FAM110B: variants seen among roughly 807,000 people sequenced by gnomAD.
FAM110B encodes protein FAM110B.
Under a neutral mutation model 20.4 loss-of-function variants are expected in FAM110B, and 6 were observed. The observed-to-expected ratio is 0.29, with a 90% CI of 0.16 to 0.58. The LOEUF (loss-of-function observed/expected upper bound fraction) is 0.58. Among genes scored for constraint, FAM110B ranks in the 20% least tolerant of loss-of-function variants. The pLI is 0.90. For synonymous variants in FAM110B, 226 were observed against 214.1 expected, an observed-to-expected ratio of 1.06 and a Z score of -0.49; for missense variants, 434 against 498.2, an observed-to-expected ratio of 0.87 and a Z score of 1.23.
chr8:58,096,197 A>G lies in FAM110B; in HGVS notation c.-325+20574A>G, dbSNP rs576520627. Among the ~76,000 whole-genome samples the G allele has an allele frequency of 5.3e-5, 8 of 151,628 alleles. No individual in the cohort carries two copies. The South Asian group carries it at 1.7e-3, about 32-fold the overall frequency. On this transcript the variant is annotated intron_variant, in intron 3 of 3. Transcript: ENST00000519262. ...AATGGTCTTGACTCTTTTTTTTGAG[A>G]CAGAGTTTTGCTCTTTCACCCAGGC...
intron 1 of FAM110B, among the ~76,000 whole-genome samples, chr8:58,012,583 G>A (rs555436009): frequency 7.2e-5 from 11 of 152,260 alleles, no homozygotes; most frequent in Non-Finnish European, 1.6e-4. Flanking sequence ...AACCTCCAAG[G>A]GGATTTGGTG....
At chr8:58,139,068 A>C (rs1465521282) in intron 3 of FAM110B, among the ~76,000 whole-genome samples, 1 of 152,246 alleles carries the variant, frequency 6.6e-6, no homozygotes, top group Non-Finnish European at 1.5e-5. Flanking sequence ...TGCCTAATTA[A>C]AACAAAATAA....
chr8:58,075,988 G>T (rs1806028338), intron 3 of FAM110B, among the ~76,000 whole-genome samples: 1 of 152,122 alleles, frequency 6.6e-6, no homozygotes, highest in Non-Finnish European at 1.5e-5. Flanking sequence ...CAATGATGGG[G>T]TTTTGCCCTG....
At chr8:58,011,208 G>A (rs541922660) in intron 1 of FAM110B, among the ~76,000 whole-genome samples, 14 of 152,236 alleles carry the variant, frequency 9.2e-5, no homozygotes, top group African/African-American at 2.9e-4. Flanking sequence ...AAGAAACAAC[G>A]TTGCCTGTGG....
At chr8:58,037,727 T>C (rs1805114439) in intron 2 of FAM110B, among the ~76,000 whole-genome samples, 1 of 152,196 alleles carries the variant, frequency 6.6e-6, no homozygotes, top group East Asian at 1.9e-4. Context: ...TCACAATCTG[T>C]TTAGCTTTTT....
chr8:58,115,425 G>A (rs538563169), intron 3 of FAM110B, among the ~76,000 whole-genome samples: 4 of 151,930 alleles, frequency 2.6e-5, no homozygotes, highest in East Asian at 1.9e-4. Context: ...ACAGAGTCTC[G>A]CTTTGTTGCC....
intron 3 of FAM110B, among the ~76,000 whole-genome samples, chr8:58,087,426 C>T (rs904936305): frequency 1.3e-5 from 2 of 152,158 alleles, no homozygotes; most frequent in African/African-American, 2.4e-5. Context: ...TTCACTTCAG[C>T]GGCCTGGAGG....
intron 3 of FAM110B, among the ~76,000 whole-genome samples, chr8:58,093,087 TG>T (rs1363297751): frequency 6.6e-5 from 10 of 152,224 alleles, no homozygotes; most frequent in African/African-American, 2.4e-4. Context: ...CACTTTTTGA[TG>T]GGGTCGTTTG....
At chr8:58,050,615 T>G (rs1317976690) in intron 2 of FAM110B, among the ~76,000 whole-genome samples, 2 of 152,226 alleles carry the variant, frequency 1.3e-5, no homozygotes, top group South Asian at 2.1e-4. Flanking sequence ...TCAGGAACAT[T>G]GCAGCCAACA....
intron 3 of FAM110B, among the ~76,000 whole-genome samples, chr8:58,125,174 C>T (rs759050452): frequency 3.9e-5 from 6 of 152,040 alleles, no homozygotes; most frequent in Admixed American, 1.3e-4. Context: ...CATGGCAAGA[C>T]CCTTCTCCAC....
At chr8:58,017,413 A>G (rs560376839) in intron 1 of FAM110B, among the ~76,000 whole-genome samples, 2 of 152,294 alleles carry the variant, frequency 1.3e-5, no homozygotes, top group African/African-American at 2.4e-5. Flanking sequence ...GGAGGCACAT[A>G]TTTTATATAA....
chr8:58,055,538 A>C (rs1258772666), intron 2 of FAM110B, among the ~76,000 whole-genome samples: 1 of 152,220 alleles, frequency 6.6e-6, no homozygotes, highest in Non-Finnish European at 1.5e-5. Context: ...AAAACACATC[A>C]AGCTTTTCTC....
intron 1 of FAM110B, among the ~76,000 whole-genome samples, chr8:58,006,923 A>ATATATATATATATATATGTTTTTTTTTTT: frequency 7.9e-6 from 1 of 126,518 alleles, no homozygotes; most frequent in African/African-American, 3.0e-5. Flanking sequence ...ATATATATAT[A>ATATATATATATATATATGTTTTTTTTTTT]TTTTTCCAAA....
At chr8:58,063,372 T>C (rs1805695028) in intron 2 of FAM110B, among the ~76,000 whole-genome samples, 1 of 152,202 alleles carries the variant, frequency 6.6e-6, no homozygotes, top group Non-Finnish European at 1.5e-5. Flanking sequence ...ATTGATGCTG[T>C]AGCATTTGCC....
chr8:58,129,016 G>A (rs187348779), intron 3 of FAM110B, among the ~76,000 whole-genome samples: 9 of 152,282 alleles, frequency 5.9e-5, no homozygotes, highest in Middle Eastern at 3.4e-3. Context: ...TAGAAACAAC[G>A]CTGGGAGTGA....
At chr8:58,078,378 C>T (rs1329902800) in intron 3 of FAM110B, among the ~76,000 whole-genome samples, 1 of 152,154 alleles carries the variant, frequency 6.6e-6, no homozygotes, top group Non-Finnish European at 1.5e-5. Context: ...TAAAGGAATA[C>T]ACAAACACCA....
intron 3 of FAM110B, among the ~76,000 whole-genome samples, chr8:58,136,807 A>G (rs888535731): frequency 2.6e-5 from 4 of 152,200 alleles, no homozygotes; most frequent in Admixed American, 6.5e-5. Flanking sequence ...GGACGAAAAC[A>G]TTTTAAAAGA....
chr8:58,056,187 T>A (rs1227419549), intron 2 of FAM110B, among the ~76,000 whole-genome samples: 1 of 152,224 alleles, frequency 6.6e-6, no homozygotes, highest in Non-Finnish European at 1.5e-5. Context: ...TACTATCAGG[T>A]TCTTTATGAA....
intron 3 of FAM110B, among the ~76,000 whole-genome samples, chr8:58,086,023 T>A (rs1313434647): frequency 6.6e-6 from 1 of 152,214 alleles, no homozygotes. Flanking sequence ...CTCAACTCAA[T>A]ACCTGATACC....
Sources: gnomAD v4.1 joint callset for allele counts (sites outside exome capture counted in the v4.1 genomes callset) on GRCh38, gnomAD v4.1.1 for gene constraint, MANE v1.5 for transcripts, NCBI Gene and HGNC (gene_info 2026-07-23, HGNC 2026-07-21) for gene names.